Variants in RASSF4 observed in about 807,000 individuals in gnomAD.
RASSF4 encodes the protein Ras association domain family member 4.
Under a neutral mutation model 41.1 loss-of-function variants are expected in RASSF4, and 38 were observed. That is an observed-to-expected ratio of 0.92 (90% CI 0.71 to 1.21). RASSF4 has a LOEUF of 1.21. Among genes scored for constraint, RASSF4 ranks in the 50% most tolerant of loss-of-function variants. The pLI is 0.00. For missense variants in RASSF4, 414 were observed against 419.4 expected (o/e 0.99, Z 0.11); for synonymous variants, 179 against 163.4 (o/e 1.10, Z -0.73).
intron 3 of RASSF4, among the ~76,000 whole-genome samples, chr10:44,974,594 G>A (rs932538335): frequency 1.3e-5 from 2 of 149,094 alleles, no homozygotes; most frequent in Admixed American, 6.7e-5. Context: ...CACCACCCGG[G>A]GCGCGCTCCC....
intron 3 of RASSF4, chr10:44,977,587 G>A (rs772071380): frequency 6.2e-7 from 1 of 1,613,366 alleles, no homozygotes; most frequent in Non-Finnish European, 8.5e-7. Flanking sequence ...GCCTCCCTCT[G>A]GGGGCCCCCA....
In RASSF4 at chr10:44,979,969, TGA is replaced by T. The variant is rs1210365476; in HGVS notation, c.139-2546_139-2545del. On this transcript the variant is annotated intron_variant, in intron 3 of 10. Transcript: ENST00000340258. ...TGCCAGCAAAGGAGGCTGCCAAGGA[TGA>T]GAGAGGCAGCCCCTGGGAAGCTCCT... Among the ~76,000 whole-genome samples, 4 of 152,108 alleles carry T rather than the reference TGA, an allele frequency of 2.6e-5. No homozygotes were observed. The East Asian group carries it at 5.8e-4, about 22-fold the overall frequency.
intron 1 of RASSF4, among the ~76,000 whole-genome samples, chr10:44,961,559 T>C (rs77521840): frequency 0.013 from 1,981 of 152,328 alleles, 48 homozygotes; most frequent in African/African-American, 0.045. Flanking sequence ...AGGCCTCACA[T>C]TCCCATCTCT....
At chr10:44,967,484 G>C (rs1269347661) in intron 1 of RASSF4, among the ~76,000 whole-genome samples, 1 of 152,302 alleles carries the variant, frequency 6.6e-6, no homozygotes, top group East Asian at 1.9e-4. Context: ...CAGATTCCTG[G>C]CTTCTTATGA....
At chr10:44,977,787 G>A (rs993242166) in intron 3 of RASSF4, 1 of 1,601,268 alleles carries the variant, frequency 6.2e-7, no homozygotes. Flanking sequence ...ATGTCTCGCA[G>A]GGACACAGCA....
intron 1 of RASSF4, among the ~76,000 whole-genome samples, chr10:44,963,818 T>C (rs1840800243): frequency 6.6e-6 from 1 of 152,262 alleles, no homozygotes; most frequent in Non-Finnish European, 1.5e-5. Flanking sequence ...TGGATGCCTG[T>C]ACGTTTTCCC....
chr10:44,971,427 A>G (rs1286728814), intron 2 of RASSF4: 1 of 495,900 alleles, frequency 2.0e-6, no homozygotes, highest in Admixed American at 2.3e-5. Flanking sequence ...AGTCCAGGGC[A>G]TTTACTGTGA....
intron 6 of RASSF4, among the ~76,000 whole-genome samples, chr10:44,986,141 C>T (rs945151105): frequency 6.6e-6 from 1 of 152,160 alleles, no homozygotes; most frequent in South Asian, 2.1e-4. Context: ...AAAATATGTG[C>T]GTGGGTTTAG....
At chr10:44,964,780 T>C (rs529004121) in intron 1 of RASSF4, among the ~76,000 whole-genome samples, 1 of 152,274 alleles carries the variant, frequency 6.6e-6, no homozygotes, top group Non-Finnish European at 1.5e-5. Flanking sequence ...GTGTGCGTGT[T>C]CCCCCTTGCA....
At chr10:44,988,974 A>C (rs1225010718) in intron 6 of RASSF4, among the ~76,000 whole-genome samples, 2 of 152,196 alleles carry the variant, frequency 1.3e-5, no homozygotes, top group Admixed American at 6.5e-5. Context: ...AGAGTGATGG[A>C]GAGACTGATT....
At chr10:44,971,691 A>G (rs1395552441) in intron 2 of RASSF4, 82 bp from the exon 3 acceptor site, 2 of 1,053,486 alleles carry the variant, frequency 1.9e-6, no homozygotes, top group Non-Finnish European at 3.0e-6. Flanking sequence ...ACAAATGAGG[A>G]AACAGAGGCC....
chr10:44,977,717 A>G (rs200784305), intron 3 of RASSF4: 2 of 1,611,568 alleles, frequency 1.2e-6, no homozygotes, highest in East Asian at 2.2e-5. Flanking sequence ...AAGCCAGTCC[A>G]GGGGGTCCAC....
At chr10:44,972,160 C>A (rs1841200945) in intron 3 of RASSF4, among the ~76,000 whole-genome samples, 1 of 152,008 alleles carries the variant, frequency 6.6e-6, no homozygotes, top group African/African-American at 2.4e-5. Flanking sequence ...GAACTGCTGC[C>A]GAGAACAGGT....
At position 44,969,104 on chromosome 10, in the gene RASSF4, G is replaced by GTTTT. The variant is rs34122459; in HGVS notation, c.-38-1059_-38-1056dup. Among the ~76,000 whole-genome samples the GTTTT allele has an allele frequency of 1.1e-3, 161 of 149,564 alleles. No individual in the cohort carries two copies. The East Asian group carries it at 0.018, about 17-fold the overall frequency. The stretch of plus-strand genomic sequence containing the variant: ...TGTGCATGTGATTGTGTATGCGTGT[G>GTTTT]TTTTTGTGTGTGTGTGTGTGTGTGT... On this transcript the variant is annotated intron_variant, in intron 1 of 10. Transcript: ENST00000340258.
At chr10:44,974,778 T>C (rs1841331453) in intron 3 of RASSF4, among the ~76,000 whole-genome samples, 1 of 152,204 alleles carries the variant, frequency 6.6e-6, no homozygotes, top group South Asian at 2.1e-4. Context: ...AGCGGCTCCT[T>C]GTGAGCCTTC....
At chr10:44,977,419 C>G (rs374040532) in intron 3 of RASSF4, 219 of 1,597,390 alleles carry the variant, frequency 1.4e-4, no homozygotes, top group Middle Eastern at 3.3e-4. Context: ...CCGGGAGGTG[C>G]GAGTAGAGTG....
At chr10:44,964,423 A>G (rs1226778188) in intron 1 of RASSF4, among the ~76,000 whole-genome samples, 1 of 152,182 alleles carries the variant, frequency 6.6e-6, no homozygotes, top group Non-Finnish European at 1.5e-5. Flanking sequence ...TCCCAGCAGA[A>G]TGGCACGGCT....
chr10:44,990,650 A>G (rs963188977), intron 8 of RASSF4: 32 of 224,274 alleles, frequency 1.4e-4, no homozygotes, highest in African/African-American at 7.0e-4. Flanking sequence ...GCACACCTTG[A>G]CAAATTTATG....
intron 1 of RASSF4, among the ~76,000 whole-genome samples, chr10:44,966,409 G>A (rs936324706): frequency 6.6e-6 from 1 of 152,164 alleles, no homozygotes. Context: ...GACTAGGAGA[G>A]GTCCCCAAAC....
Sources: gnomAD v4.1 joint callset for allele counts (sites outside exome capture counted in the v4.1 genomes callset) on GRCh38, gnomAD v4.1.1 for gene constraint, MANE v1.5 for transcripts, NCBI Gene and HGNC (gene_info 2026-07-23, HGNC 2026-07-21) for gene names.